GREM2: variants seen among roughly 807,000 people sequenced by gnomAD.
GREM2 encodes the protein gremlin 2, DAN family BMP antagonist, also known as gremlin-2.
Under a neutral mutation model 14.2 loss-of-function variants are expected in GREM2, and 11 were observed. That is an observed-to-expected ratio of 0.78 (90% CI 0.49 to 1.28). The LOEUF is 1.28. GREM2 is among the 50% of genes most tolerant of loss of function. GREM2 has a pLI of 0.00. For synonymous variants in GREM2, 98 were observed against 97.6 expected, an observed-to-expected ratio of 1.00 and a Z score of -0.02; for missense variants, 210 against 218.5, an observed-to-expected ratio of 0.96 and a Z score of 0.24.
chr1:240,531,147 T>C (rs1013536613), intron 1 of GREM2, among the ~76,000 whole-genome samples: 1 of 152,240 alleles, frequency 6.6e-6, no homozygotes, highest in African/African-American at 2.4e-5. Context: ...AAGACTCATA[T>C]AGAAGATCCC....
rs1678293750 is a variant in GREM2, at chr1:240,529,160, T to A, written c.-1-35684A>T. Among the ~76,000 whole-genome samples, 3 of 151,494 alleles carry A rather than the reference T, an allele frequency of 2.0e-5. No homozygotes were observed. The South Asian group carries it at 6.2e-4, about 32-fold the overall frequency. ...GCTGGGAAGACACATGGATGAGCTC[T>A]CAGGAAGTTTGGACCCAATGATGTC... On this transcript the variant is annotated intron_variant, in intron 1 of 1. Transcript: ENST00000318160.
chr1:240,551,955 A>G (rs921424243), intron 1 of GREM2, among the ~76,000 whole-genome samples: 2 of 152,192 alleles, frequency 1.3e-5, no homozygotes, highest in Non-Finnish European at 2.9e-5. Context: ...AAGAGGGTGT[A>G]TCTAAGATTA....
intron 1 of GREM2, among the ~76,000 whole-genome samples, chr1:240,581,250 C>CAAA (rs58517545): frequency 1.1e-5 from 1 of 89,170 alleles, no homozygotes; most frequent in Non-Finnish European, 2.4e-5. Flanking sequence ...AAATCCATCT[C>CAAA]AAAAAAAAAA....
In GREM2 at chr1:240,519,079, C is replaced by G. The variant is rs79931501; in HGVS notation, c.-1-25603G>C. Among the ~76,000 whole-genome samples, 699 of 152,262 alleles carry G rather than the reference C, an allele frequency of 4.6e-3. 1 individual carries two copies. The highest frequency in any genetic ancestry group is 0.016 in the African/African-American group (664 of 41,546). The stretch of plus-strand genomic sequence containing the variant: ...ATGTGAAAGAATTTTACAATAGATT[C>G]TCTCAAAAAGCAAATATTTTTGGAA... On this transcript the variant is annotated intron_variant, in intron 1 of 1. Transcript: ENST00000318160.
At chr1:240,584,557 A>T (rs888773758) in intron 1 of GREM2, among the ~76,000 whole-genome samples, 3 of 151,724 alleles carry the variant, frequency 2.0e-5, no homozygotes, top group Non-Finnish European at 4.4e-5. Context: ...AAAAAAAATT[A>T]GCTGGGCATA....
chr1:240,521,335 G>C (rs1451358619), intron 1 of GREM2, among the ~76,000 whole-genome samples: 2 of 152,164 alleles, frequency 1.3e-5, no homozygotes, highest in Non-Finnish European at 2.9e-5. Flanking sequence ...TTAGCAGGCC[G>C]AAGTGGGCGG....
chr1:240,611,031 A>G (rs1291206162), intron 1 of GREM2, among the ~76,000 whole-genome samples: 2 of 151,966 alleles, frequency 1.3e-5, no homozygotes, highest in East Asian at 3.9e-4. Context: ...ACATGATAAA[A>G]TCTCAGGAAA....
At chr1:240,567,285 C>T (rs1679189698) in intron 1 of GREM2, among the ~76,000 whole-genome samples, 1 of 152,020 alleles carries the variant, frequency 6.6e-6, no homozygotes, top group African/African-American at 2.4e-5. Flanking sequence ...AAAACAATAG[C>T]CTACTATTTC....
chr1:240,546,663 A>T (rs905852407), intron 1 of GREM2, among the ~76,000 whole-genome samples: 1 of 152,234 alleles, frequency 6.6e-6, no homozygotes, highest in East Asian at 1.9e-4. Flanking sequence ...TGTATTTTAA[A>T]GATGTACATC....
chr1:240,602,358 GT>G lies in GREM2; in HGVS notation c.-2+9525del, dbSNP rs576460954. 6.0e-3 allele frequency among the ~76,000 whole-genome samples: 918 copies of G among 151,968 alleles called. 6 individuals carry two copies. Among genetic ancestry groups the G allele is most frequent in the South Asian group, 0.016 (77 of 4,814 alleles). ...AAGTCAGAAGTATTCTTTCTTATAT[GT>G]TTTTTCCTTAATTTATTTTTTTTTA... On this transcript the variant is annotated intron_variant, in intron 1 of 1. Transcript: ENST00000318160.
intron 1 of GREM2, among the ~76,000 whole-genome samples, chr1:240,513,448 G>A (rs1193167384): frequency 6.6e-6 from 1 of 151,786 alleles, no homozygotes; most frequent in Admixed American, 6.6e-5. Flanking sequence ...GGTGGCATGC[G>A]ACTGTAGTCC....
At chr1:240,557,782 A>G (rs6429212) in intron 1 of GREM2, among the ~76,000 whole-genome samples, 33,897 of 151,880 alleles carry the variant, frequency 0.22, 6,092 homozygotes, top group African/African-American at 0.5. Flanking sequence ...CAAGATGGCT[A>G]CCACCGAGCT....
intron 1 of GREM2, among the ~76,000 whole-genome samples, chr1:240,518,873 C>G (rs1220941224): frequency 6.6e-6 from 1 of 152,174 alleles, no homozygotes; most frequent in Non-Finnish European, 1.5e-5. Flanking sequence ...CAAGTGACAG[C>G]ATGTTTATGT....
intron 1 of GREM2, among the ~76,000 whole-genome samples, chr1:240,532,921 T>A (rs1398375717): frequency 6.6e-6 from 1 of 152,236 alleles, no homozygotes; most frequent in Non-Finnish European, 1.5e-5. Context: ...CTCTTCATAC[T>A]CTTCAAGTCA....
Position 240,522,132 on chromosome 1 carries a change from A to C in GREM2, c.-1-28656T>G, listed in dbSNP as rs1272645303. Among the ~76,000 whole-genome samples, 247 of 151,612 alleles carry C rather than the reference A, an allele frequency of 1.6e-3. 1 individual carries two copies. Among genetic ancestry groups the C allele is most frequent in the African/African-American group, 5.7e-3 (237 of 41,326 alleles). The stretch of plus-strand genomic sequence containing the variant: ...AAAACCCTGTCTCCAAAAAAAAAAA[A>C]AAACAAAAACAAACAAACAAAAAAA... On this transcript the variant is annotated intron_variant, in intron 1 of 1. Transcript: ENST00000318160.
chr1:240,584,496 A>C (rs1226463018), intron 1 of GREM2, among the ~76,000 whole-genome samples: 7 of 72,164 alleles, frequency 9.7e-5, no homozygotes, highest in African/African-American at 9.4e-4. Context: ...CTCCATCTCA[A>C]AAAAAAAAAA....
rs1029512569 is a variant in GREM2 at position 240,491,948 on chromosome 1, C to T, written c.*1021G>A. On this transcript the variant is annotated 3_prime_UTR_variant, in exon 2 of 2. Coordinates refer to ENST00000318160, the MANE Select transcript of GREM2 (RefSeq NM_022469.4). ...GAAATAGTATTCAAAGTAAAAATCA[C>T]GACTCCTCCCATCTCCCTGCCCAAT... The T allele has an allele frequency of 1.2e-5, 2 of 167,326 alleles. No individual in the cohort carries two copies. The highest frequency in any genetic ancestry group is 2.6e-5 in the Non-Finnish European group (2 of 76,126). 10.4% of individuals were successfully genotyped at this position (167,326 alleles called of 1,614,324 possible).
intron 1 of GREM2, among the ~76,000 whole-genome samples, chr1:240,544,151 CTT>C (rs61269911): frequency 9.5e-5 from 13 of 137,366 alleles, no homozygotes; most frequent in Admixed American, 1.5e-4. Context: ...AGCACTAGGC[CTT>C]TTTTTTTTTT....
At position 240,600,451 on chromosome 1, in the gene GREM2, T is replaced by C. The variant is rs554683006; in HGVS notation, c.-2+11433A>G. 3.3e-5 allele frequency among the ~76,000 whole-genome samples: 5 copies of C among 152,144 alleles called. 1 individual carries two copies. Among genetic ancestry groups the C allele is most frequent in the Admixed American group, 6.5e-5 (1 of 15,270 alleles). On this transcript the variant is annotated intron_variant, in intron 1 of 1. Coordinates refer to ENST00000318160, the MANE Select transcript of GREM2 (RefSeq NM_022469.4). ...CCATGTCTTTACCAGTTCTATCCGG[T>C]TTTTACCTTGTGTTTTTATTGTTTT...
Sources: allele counts gnomAD v4.1 joint callset (sites outside exome capture counted in the v4.1 genomes callset), GRCh38; gene constraint gnomAD v4.1.1; transcripts MANE v1.5; gene names NCBI Gene and HGNC (gene_info 2026-07-23, HGNC 2026-07-21).